Variants in SFMBT1 observed in about 807,000 individuals in gnomAD.
SFMBT1 encodes scm-like with four MBT domains protein 1.
Under a neutral mutation model 108.7 loss-of-function variants are expected in SFMBT1, and 32 were observed. That is an observed-to-expected ratio of 0.29 (90% CI 0.22 to 0.40). SFMBT1 has a LOEUF of 0.40. SFMBT1 is among the 10% of genes least tolerant of loss of function. The probability of loss-of-function intolerance (pLI) is 1.00; values close to 1 mark genes in which losing one functional copy is unlikely to be tolerated. For synonymous variants in SFMBT1, 348 were observed against 369.5 expected, an observed-to-expected ratio of 0.94 and a Z score of 0.67; for missense variants, 816 against 1,059.6, an observed-to-expected ratio of 0.77 and a Z score of 3.19.
chr3:52,918,914 G>C (rs1702437045), intron 12 of SFMBT1, among the ~76,000 whole-genome samples: 1 of 150,254 alleles, frequency 6.7e-6, no homozygotes, highest in African/African-American at 2.4e-5. Context: ...ACCAGGGGGT[G>C]GGGGGTCATT....
At chr3:52,945,139 A>AAAAAAAAACAAC (rs1553636681) in intron 3 of SFMBT1, among the ~76,000 whole-genome samples, 1 of 146,062 alleles carries the variant, frequency 6.8e-6, no homozygotes, top group African/African-American at 2.5e-5. Flanking sequence ...TTCCAATTAA[A>AAAAAAAAACAAC]AAAAAAAAAA....
chr3:52,937,718 G>A (rs1417752035), intron 4 of SFMBT1, among the ~76,000 whole-genome samples: 1 of 151,992 alleles, frequency 6.6e-6, no homozygotes, highest in Non-Finnish European at 1.5e-5. Flanking sequence ...GAGTAGCTGG[G>A]ATTACTGGCA....
rs1379265737 is a variant in SFMBT1 at position 52,920,540 on chromosome 3, G to C, written c.1369C>G (p.Arg457Gly). 1.2e-6 allele frequency: 2 copies of C among 1,610,346 alleles called. No homozygotes were observed. Among genetic ancestry groups the C allele is most frequent in the South Asian group, 2.2e-5 (2 of 90,926 alleles). Residue 457 changes from arginine to glycine, a missense_variant, in exon 12 of 21, where the codon CGA becomes GGA. Around this residue, in one of 5 missense-constraint regions of SFMBT1, gnomAD observed 495 missense variants for 607.4 expected, o/e 0.81. Transcript: ENST00000394752. Reference sequence around the variant, plus strand: ...TAACCCAGAAATAGACAGATACCTCGTGCTCGGCGAGGAGTGCTGAGGGGG... The same window carrying C: ...TAACCCAGAAATAGACAGATACCTCCTGCTCGGCGAGGAGTGCTGAGGGGG... ...GHPLSTPRRA[R>G]VYKQRKIAVV...
At chr3:53,044,215 G>T (rs575681313) in intron 1 of SFMBT1, among the ~76,000 whole-genome samples, 6 of 152,170 alleles carry the variant, frequency 3.9e-5, no homozygotes, top group Non-Finnish European at 7.4e-5. Context: ...GCACTTTTAT[G>T]TAGTACCTCT....
At chr3:52,958,523 G>T (rs1246476185) in intron 2 of SFMBT1, among the ~76,000 whole-genome samples, 1 of 152,148 alleles carries the variant, frequency 6.6e-6, no homozygotes, top group Non-Finnish European at 1.5e-5. Flanking sequence ...CCTGGGAGGC[G>T]GAGGTGGCAG....
chr3:52,956,529 G>C (rs574596154), intron 2 of SFMBT1, among the ~76,000 whole-genome samples: 1 of 152,184 alleles, frequency 6.6e-6, no homozygotes, highest in East Asian at 1.9e-4. Context: ...GGAAGGCCGA[G>C]GCTGGTGGAC....
chr3:52,994,719 C>T (rs529226967), intron 1 of SFMBT1, among the ~76,000 whole-genome samples: 2 of 150,178 alleles, frequency 1.3e-5, no homozygotes, highest in South Asian at 4.2e-4. Context: ...GGGCTGGTCT[C>T]AAACTCCCGA....
At position 52,943,543 on chromosome 3, in the gene SFMBT1, C is replaced by T. The variant is rs1559520402; in HGVS notation, c.174G>A (p.Val58=). ...NGFAPGMKLE[V]AVRTDPETYW... Reference sequence around the variant, plus strand: ...AGGTCTCAGGATCTGTTCTCACAGCCACCTCCAGCTTCATCCCAGGAGCAA... The same window carrying T: ...AGGTCTCAGGATCTGTTCTCACAGCTACCTCCAGCTTCATCCCAGGAGCAA... Residue 58 remains valine, a synonymous_variant, in exon 4 of 21, where the codon GTG becomes GTA. Coordinates refer to ENST00000394752, the MANE Select transcript of SFMBT1 (RefSeq NM_016329.4). The T allele has an allele frequency of 6.2e-7, 1 of 1,614,230 alleles. No individual in the cohort carries two copies. Among genetic ancestry groups the T allele is most frequent in the Non-Finnish European group, 8.5e-7 (1 of 1,180,032 alleles).
intron 2 of SFMBT1, among the ~76,000 whole-genome samples, chr3:52,960,151 A>G (rs1703912693): frequency 6.6e-6 from 1 of 151,830 alleles, no homozygotes; most frequent in Non-Finnish European, 1.5e-5. Flanking sequence ...ATCAAGCAGA[A>G]AAGGCAAGTG....
chr3:53,025,821 T>C (rs1234311665), intron 1 of SFMBT1, among the ~76,000 whole-genome samples: 2 of 152,028 alleles, frequency 1.3e-5, no homozygotes, highest in African/African-American at 2.4e-5. Flanking sequence ...GCCCTAACAA[T>C]CTCTACTCAT....
chr3:52,989,322 C>T (rs1705036891), intron 1 of SFMBT1, among the ~76,000 whole-genome samples: 1 of 151,486 alleles, frequency 6.6e-6, no homozygotes, highest in South Asian at 2.1e-4. Context: ...AAGAAACATG[C>T]CTTTTGGGAG....
At chr3:52,924,831 G>A (rs1702613496) in intron 10 of SFMBT1, among the ~76,000 whole-genome samples, 1 of 152,160 alleles carries the variant, frequency 6.6e-6, no homozygotes, top group South Asian at 2.1e-4. Flanking sequence ...GAGACTACTG[G>A]GAAGTGTGGA....
At chr3:52,970,658 G>C (rs1270676537) in intron 1 of SFMBT1, among the ~76,000 whole-genome samples, 2 of 152,168 alleles carry the variant, frequency 1.3e-5, no homozygotes, top group African/African-American at 4.8e-5. Flanking sequence ...ACAGCTTTGG[G>C]AGTGATATTC....
chr3:52,934,011 T>C (rs1286941246), intron 5 of SFMBT1, among the ~76,000 whole-genome samples: 1 of 152,046 alleles, frequency 6.6e-6, no homozygotes, highest in Non-Finnish European at 1.5e-5. Context: ...TTCAACTCAA[T>C]AATAAAAAGA....
chr3:52,971,812 G>A (rs1704354179), intron 1 of SFMBT1, among the ~76,000 whole-genome samples: 1 of 152,188 alleles, frequency 6.6e-6, no homozygotes, highest in Non-Finnish European at 1.5e-5. Flanking sequence ...GGGAGAAAAG[G>A]AGGACTATTC....
chr3:52,951,568 T>C (rs13060126), intron 3 of SFMBT1, among the ~76,000 whole-genome samples: 99,540 of 151,132 alleles, frequency 0.66, 33,788 homozygotes, highest in Middle Eastern at 0.76. Context: ...AGGTGCTTGC[T>C]ACGACTGGCT....
intron 2 of SFMBT1, among the ~76,000 whole-genome samples, chr3:52,968,653 G>A (rs1159670550): frequency 6.8e-6 from 1 of 147,142 alleles, no homozygotes; most frequent in Non-Finnish European, 1.5e-5. Flanking sequence ...AGGCTGGAGT[G>A]CAGTGGCGCG....
chr3:52,964,212 A>G (rs1424843177), intron 2 of SFMBT1, among the ~76,000 whole-genome samples: 1 of 152,208 alleles, frequency 6.6e-6, no homozygotes, highest in Non-Finnish European at 1.5e-5. Flanking sequence ...ACTTTTCAAA[A>G]GATGTGTATT....
intron 1 of SFMBT1, among the ~76,000 whole-genome samples, chr3:53,040,967 AATTTTTTTT>A (rs1559560304): frequency 9.6e-5 from 7 of 72,834 alleles, no homozygotes; most frequent in Middle Eastern, 9.4e-3. Flanking sequence ...AAGACACCTG[AATTTTTTTT>A]TTTTTTTTTT....
Sources: allele counts gnomAD v4.1 joint callset (sites outside exome capture counted in the v4.1 genomes callset), GRCh38; gene constraint gnomAD v4.1.1; regional missense constraint gnomAD v4.1.1; transcripts MANE v1.5; gene names NCBI Gene and HGNC (gene_info 2026-07-23, HGNC 2026-07-21).